The following ZFP2 variants were observed in gnomAD, a reference collection of about 807,000 sequenced individuals.
ZFP2 encodes the protein zinc finger protein ZFP2.
Under a neutral mutation model 36.1 loss-of-function variants are expected in ZFP2, and 33 were observed. The observed-to-expected ratio is 0.92, with a 90% CI of 0.69 to 1.22. The LOEUF is 1.22. Among genes scored for constraint, ZFP2 ranks in the 50% most tolerant of loss-of-function variants. ZFP2 has a pLI of 0.00. For synonymous variants in ZFP2, 170 were observed against 178.0 expected, an observed-to-expected ratio of 0.96 and a Z score of 0.36; for missense variants, 522 against 551.4, an observed-to-expected ratio of 0.95 and a Z score of 0.53.
Position 178,931,596 on chromosome 5 carries a change from ATG to A in ZFP2, c.285_286del (p.Met95IlefsTer8), listed in dbSNP as rs752903766. On this transcript the variant is annotated frameshift_variant, in exon 5 of 5. Coordinates refer to ENST00000361362, the MANE Select transcript of ZFP2 (RefSeq NM_030613.4). LOFTEE classifies it high-confidence loss of function. ...TTCTGAGTTAATTAAAACTCAAAGA[ATG>A]TTTGTAGGAAAGAAGATCTATGAAT... Reference protein sequence around the residue: ...QNSELIKTQRMFVGKKIYECN... With the variant: ...QNSELIKTQRXFVGKKIYECN... 6.8e-5 allele frequency: 110 copies of A among 1,614,186 alleles called. No individual in the cohort carries two copies. In the Admixed American group the frequency reaches 1.7e-3, roughly 25 times the overall value.
chr5:178,915,318 C>CTTTTTTTTTTTTT (rs1758396506), intron 3 of ZFP2, among the ~76,000 whole-genome samples: 1 of 112,554 alleles, frequency 8.9e-6, no homozygotes, highest in African/African-American at 3.2e-5. Flanking sequence ...AAAGGTTTTT[C>CTTTTTTTTTTTTT]TTTCTTTTTT....
chr5:178,925,580 T>C (rs1758653101), intron 4 of ZFP2, among the ~76,000 whole-genome samples: 1 of 149,726 alleles, frequency 6.7e-6, no homozygotes, highest in African/African-American at 2.4e-5. Context: ...TTTTTACATT[T>C]TGTTACTTGG....
chr5:178,927,121 A>G (rs1758690958), intron 4 of ZFP2, among the ~76,000 whole-genome samples: 1 of 152,152 alleles, frequency 6.6e-6, no homozygotes, highest in African/African-American at 2.4e-5. Context: ...CTGGGATAAG[A>G]AATAGGATCT....
intron 3 of ZFP2, among the ~76,000 whole-genome samples, chr5:178,914,861 CAT>C (rs1242640280): frequency 3.3e-5 from 5 of 152,116 alleles, no homozygotes; most frequent in Admixed American, 3.3e-4. Context: ...ACATTGAGGA[CAT>C]AGGGAACAGC....
Position 178,921,858 on chromosome 5 carries a change from G to T in ZFP2, c.-78+5148G>T, listed in dbSNP as rs150836802. ...TAATTGCTTCATGCTTTCTGTTCGG[G>T]TTTATCAGTGGAAGAGACATGGTGG... On this transcript the variant is annotated intron_variant, in intron 4 of 4. Transcript: ENST00000361362. Among the ~76,000 whole-genome samples the T allele has an allele frequency of 6.8e-4, 102 of 149,450 alleles. 5 individuals carry two copies. In the East Asian group the frequency reaches 0.016, roughly 23 times the overall value.
At chr5:178,908,638 A>C (rs1024244764) in intron 1 of ZFP2, among the ~76,000 whole-genome samples, 4 of 144,764 alleles carry the variant, frequency 2.8e-5, no homozygotes, top group Non-Finnish European at 6.1e-5. Context: ...AAAAAAAAAA[A>C]CCTAATTTGT....
chr5:178,925,107 T>TTATATATATATA lies in ZFP2; in HGVS notation c.-77-6121_-77-6110dup, dbSNP rs766110848. Among the ~76,000 whole-genome samples, 314 of 110,054 alleles carry TTATATATATATA rather than the reference T, an allele frequency of 2.9e-3. 9 individuals are homozygous for TTATATATATATA. Among genetic ancestry groups the TTATATATATATA allele is most frequent in the South Asian group, 7.7e-3 (27 of 3,520 alleles). The allele number at this position is 110,054 out of a possible 152,430, so 72.2% of individuals were successfully genotyped here. The stretch of plus-strand genomic sequence containing the variant: ...TGTTTTAAAACTTTAAATTGAATCT[T>TTATATATATATA]TATATATATATATATATATACACAC... On this transcript the variant is annotated intron_variant, in intron 4 of 4. Coordinates refer to ENST00000361362, the MANE Select transcript of ZFP2 (RefSeq NM_030613.4).
At chr5:178,928,499 G>C (rs1418991959) in intron 4 of ZFP2, among the ~76,000 whole-genome samples, 2 of 152,208 alleles carry the variant, frequency 1.3e-5, no homozygotes, top group African/African-American at 4.8e-5. Context: ...TAGGCCCCAT[G>C]AAAGTCCAGA....
At chr5:178,927,666 TGTGTGTGTGTGTG>T (rs1758710823) in intron 4 of ZFP2, among the ~76,000 whole-genome samples, 77 of 106,126 alleles carry the variant, frequency 7.3e-4, no homozygotes, top group African/African-American at 2.8e-3. Context: ...CTGGCCAATG[TGTGTGTGTGTGTG>T]TGTGTGTGTG....
chr5:178,928,095 T>G (rs1758731542), intron 4 of ZFP2, among the ~76,000 whole-genome samples: 1 of 150,888 alleles, frequency 6.6e-6, no homozygotes, highest in Non-Finnish European at 1.5e-5. Context: ...AGAGGGAGGG[T>G]GCTAAACCAT....
At position 178,932,530 on chromosome 5, in the gene ZFP2, G is replaced by C; in HGVS notation, c.1217G>C (p.Gly406Ala). ...YLIEHQRIHT[G>A]EKPYECDQCG... ...ATTGAACATCAAAGAATTCATACTG[G>C]TGAGAAACCCTATGAATGTGATCAG... The change falls in exon 5 of 5, where the codon GGT becomes GCT. Residue 406 changes from glycine (G) to alanine (A), a missense_variant. Transcript: ENST00000361362. 6.2e-7 allele frequency: 1 copy of C among 1,614,120 alleles called. No homozygotes were observed. The highest frequency in any genetic ancestry group is 8.5e-7 in the Non-Finnish European group (1 of 1,180,018).
intron 4 of ZFP2, among the ~76,000 whole-genome samples, chr5:178,917,645 G>C (rs1199129433): frequency 1.3e-5 from 2 of 152,010 alleles, no homozygotes; most frequent in African/African-American, 4.8e-5. Flanking sequence ...GAGATGTACT[G>C]GATAACTACT....
intron 1 of ZFP2, among the ~76,000 whole-genome samples, chr5:178,906,746 T>C (rs1581830032): frequency 6.6e-6 from 1 of 151,898 alleles, no homozygotes; most frequent in Non-Finnish European, 1.5e-5. Flanking sequence ...TTAGTAGAGA[T>C]GGGGTTTCAC....
chr5:178,900,022 A>G (rs1758022757), intron 1 of ZFP2, among the ~76,000 whole-genome samples: 2 of 152,184 alleles, frequency 1.3e-5, no homozygotes, highest in Non-Finnish European at 1.5e-5. Flanking sequence ...AACTTTTAAA[A>G]TGGGGGTATT....
intron 1 of ZFP2, among the ~76,000 whole-genome samples, chr5:178,907,091 C>T (rs1758181371): frequency 6.6e-6 from 1 of 152,022 alleles, no homozygotes; most frequent in Admixed American, 6.6e-5. Context: ...CAAAGCTGGC[C>T]TTATGGAGCG....
rs142630861 is a variant in ZFP2, at chr5:178,905,380, A to G, written c.-449-7204A>G. Reference sequence around the variant, plus strand: ...TTTAAATATGATTGTGATTTTGTAAAGAAAAAATGTGGATTGCTCAGTATC... The same window carrying G: ...TTTAAATATGATTGTGATTTTGTAAGGAAAAAATGTGGATTGCTCAGTATC... On this transcript the variant is annotated intron_variant, in intron 1 of 4. Coordinates refer to ENST00000361362, the MANE Select transcript of ZFP2 (RefSeq NM_030613.4). Among the ~76,000 whole-genome samples, 494 of 152,340 alleles carry G rather than the reference A, an allele frequency of 3.2e-3. 2 individuals carry two copies. The highest frequency in any genetic ancestry group is 0.019 in the South Asian group (91 of 4,820).
chr5:178,896,757 T>G (rs1037213804), intron 1 of ZFP2, among the ~76,000 whole-genome samples: 3 of 152,208 alleles, frequency 2.0e-5, no homozygotes, highest in Non-Finnish European at 4.4e-5. Context: ...AACAGAAATA[T>G]GAATATTAGC....
At position 178,931,452 on chromosome 5, in the gene ZFP2, G is replaced by A. The variant is rs144138735; in HGVS notation, c.139G>A (p.Gly47Arg). 1.9e-6 allele frequency: 3 copies of A among 1,614,112 alleles called. No homozygotes were observed. The highest frequency in any genetic ancestry group is 2.7e-5 in the African/African-American group (2 of 75,020). ...AACCTTCACTGAGATGAGAGTATGT[G>A]GAGGTAATGAATTTGAAAGATGTTC... is the stretch of plus-strand genomic sequence containing the variant. ...KETFTEMRVC[G>R]GNEFERCSSQ... Residue 47 changes from glycine to arginine, a missense_variant, in exon 5 of 5, where the codon GGA (glycine) becomes AGA (arginine). Transcript: ENST00000361362.
At position 178,932,841 on chromosome 5, in the gene ZFP2, T is replaced by A; in HGVS notation, c.*142T>A. On this transcript the variant is annotated 3_prime_UTR_variant, in exon 5 of 5. Transcript: ENST00000361362. ...AATATGTCATATCAGATAATACCAC[T>A]GCAGAGAATCCATCTAAAAGTAGAG... 1 of 1,039,836 alleles carries A rather than the reference T, an allele frequency of 9.6e-7. No homozygotes were observed. 64.4% of individuals were successfully genotyped at this position (1,039,836 alleles called of 1,614,324 possible).
Sources: gnomAD v4.1 joint callset for allele counts (sites outside exome capture counted in the v4.1 genomes callset) on GRCh38, gnomAD v4.1.1 for gene constraint, MANE v1.5 for transcripts, NCBI Gene and HGNC (gene_info 2026-07-23, HGNC 2026-07-21) for gene names.